The following TAS1R1 variants were observed in gnomAD, a reference collection of about 807,000 sequenced individuals.
The protein encoded by TAS1R1 is taste 1 receptor member 1.
A neutral mutation model predicts 45.8 loss-of-function variants in TAS1R1; 31 were observed. That is an observed-to-expected ratio of 0.68 (90% CI 0.51 to 0.91). TAS1R1 has a LOEUF of 0.91. Ranked by LOEUF, TAS1R1 falls within the 40% of genes least tolerant of loss-of-function variation. The pLI, the probability that TAS1R1 is intolerant of heterozygous loss-of-function variation, is 0.00. For missense variants in TAS1R1, 1,051 were observed against 1,063.9 expected, an observed-to-expected ratio of 0.99 and a Z score of 0.17; for synonymous variants, 437 against 448.4, an observed-to-expected ratio of 0.97 and a Z score of 0.32.
At chr1:6,573,547 C>T (rs1640075166) in intron 2 of TAS1R1, among the ~76,000 whole-genome samples, 1 of 152,204 alleles carries the variant, frequency 6.6e-6, no homozygotes, top group Admixed American at 6.5e-5. Context: ...TGGCCCCCAA[C>T]CTTTTCGGCA....
At chr1:6,558,178 A>G (rs1639719870) in intron 1 of TAS1R1, among the ~76,000 whole-genome samples, 1 of 151,884 alleles carries the variant, frequency 6.6e-6, no homozygotes, top group South Asian at 2.1e-4. Context: ...CTGGAACTAC[A>G]GGCATATGCC....
At position 6,555,384 on chromosome 1, in the gene TAS1R1, G is replaced by C; in HGVS notation, c.11G>C (p.Cys4Ser). Residue 4 changes from cysteine (C) to serine (S), a missense_variant, in exon 1 of 6, where the codon TGC becomes TCC. Physicochemically the swap from Cys to Ser is moderately radical, Grantham distance 112. Coordinates refer to ENST00000333172, the MANE Select transcript of TAS1R1 (RefSeq NM_138697.4). ...GGGCATCTGGCCAGCATGCTGCTCT[G>C]CACGGCTCGCCTGGTCGGCCTGCAG... is the stretch of plus-strand genomic sequence containing the variant. Reference protein sequence around the residue: MLLCTARLVGLQLL... With the variant: MLLSTARLVGLQLL... 1 of 1,599,868 alleles carries C rather than the reference G, an allele frequency of 6.3e-7. No individual in the cohort carries two copies. The highest frequency in any genetic ancestry group is 8.5e-7 in the Non-Finnish European group (1 of 1,174,908).
chr1:6,559,509 A>G (rs562529718), intron 1 of TAS1R1, among the ~76,000 whole-genome samples: 2 of 151,068 alleles, frequency 1.3e-5, no homozygotes, highest in African/African-American at 4.9e-5. Flanking sequence ...ATACAAAAAA[A>G]TTAGCTGGGC....
chr1:6,572,311 C>G (rs968319900), intron 2 of TAS1R1, among the ~76,000 whole-genome samples: 1 of 143,098 alleles, frequency 7.0e-6, no homozygotes, highest in Non-Finnish European at 1.5e-5. Flanking sequence ...CTCTGACACT[C>G]AGGCTGGAGT....
At chr1:6,569,507 C>A (rs1414048097) in intron 1 of TAS1R1, among the ~76,000 whole-genome samples, 1 of 152,182 alleles carries the variant, frequency 6.6e-6, no homozygotes, top group Non-Finnish European at 1.5e-5. Context: ...AGAAAAGCAG[C>A]TTCTTAGGAC....
At chr1:6,567,707 G>A (rs1639900738) in intron 1 of TAS1R1, among the ~76,000 whole-genome samples, 1 of 152,190 alleles carries the variant, frequency 6.6e-6, no homozygotes, top group South Asian at 2.1e-4. Context: ...AGCTGCGGGA[G>A]TGTAAGCAAT....
intron 1 of TAS1R1, among the ~76,000 whole-genome samples, chr1:6,556,612 G>A (rs1466753866): frequency 1.3e-5 from 2 of 151,616 alleles, no homozygotes; most frequent in Non-Finnish European, 2.9e-5. Context: ...ATGTTGGTCA[G>A]GCTGGTCTCG....
chr1:6,577,037 C>T lies in TAS1R1; in HGVS notation c.1561C>T (p.Pro521Ser). 1 of 1,614,172 alleles carries T rather than the reference C, an allele frequency of 6.2e-7. No individual in the cohort carries two copies. Among genetic ancestry groups the T allele is most frequent in the Non-Finnish European group, 8.5e-7 (1 of 1,180,012 alleles). ...GFHHCCFECV[P>S]CGAGTFLNKS... is the part of the protein sequence containing the mutation. The stretch of plus-strand genomic sequence containing the variant: ...CCATCACTGCTGCTTTGAGTGTGTG[C>T]CCTGTGGGGCTGGGACCTTCCTCAA... Residue 521 changes from proline to serine, a missense_variant, in exon 5 of 6, where the codon CCC becomes TCC. Coordinates refer to ENST00000333172, the MANE Select transcript of TAS1R1 (RefSeq NM_138697.4).
intron 1 of TAS1R1, among the ~76,000 whole-genome samples, chr1:6,562,828 G>A (rs1312929354): frequency 6.6e-6 from 1 of 152,216 alleles, no homozygotes; most frequent in Non-Finnish European, 1.5e-5. Context: ...GCTGGGCAGA[G>A]AGAACTGGTT....
intron 1 of TAS1R1, among the ~76,000 whole-genome samples, chr1:6,569,164 G>A (rs1238569768): frequency 6.6e-6 from 1 of 151,948 alleles, no homozygotes; most frequent in Non-Finnish European, 1.5e-5. Flanking sequence ...GGGGGATTGG[G>A]GTGGTTTAAT....
chr1:6,576,397 G>A lies in TAS1R1; in HGVS notation c.1261-18G>A. 1 of 1,613,800 alleles carries A rather than the reference G, an allele frequency of 6.2e-7. No homozygotes were observed. Among genetic ancestry groups the A allele is most frequent in the South Asian group, 1.1e-5 (1 of 91,074 alleles). On this transcript the variant is annotated intron_variant, in intron 3 of 5. Transcript: ENST00000333172. Reference sequence around the variant, plus strand: ...TCTGTGCTGTCTGTGGTGGCTTCATGATACGCGTTTCTTTCAGCTTTTGGA... The same window carrying A: ...TCTGTGCTGTCTGTGGTGGCTTCATAATACGCGTTTCTTTCAGCTTTTGGA...
chr1:6,560,571 G>A (rs1639765065), intron 1 of TAS1R1, among the ~76,000 whole-genome samples: 1 of 152,168 alleles, frequency 6.6e-6, no homozygotes, highest in Non-Finnish European at 1.5e-5. Context: ...AAAAACAAGG[G>A]GTGGGGAAAA....
At chr1:6,558,930 C>T (rs187943855) in intron 1 of TAS1R1, among the ~76,000 whole-genome samples, 1,180 of 107,378 alleles carry the variant, frequency 0.011, 12 homozygotes, top group African/African-American at 0.036. Flanking sequence ...CTCGCTCTGT[C>T]GCCCAGGCTG....
intron 3 of TAS1R1, among the ~76,000 whole-genome samples, chr1:6,575,826 G>A (rs1640157086): frequency 6.6e-6 from 1 of 151,930 alleles, no homozygotes; most frequent in African/African-American, 2.4e-5. Flanking sequence ...CCAAGTAGGT[G>A]GGACTACGGG....
At chr1:6,566,640 G>A (rs1639876148) in intron 1 of TAS1R1, among the ~76,000 whole-genome samples, 1 of 152,168 alleles carries the variant, frequency 6.6e-6, no homozygotes, top group African/African-American at 2.4e-5. Flanking sequence ...CTGTTGCCCA[G>A]GCCAGACTGC....
intron 5 of TAS1R1, 110 bp downstream of exon 5, chr1:6,577,180 C>G: frequency 1.4e-6 from 2 of 1,477,360 alleles, no homozygotes; most frequent in Non-Finnish European, 1.8e-6. Flanking sequence ...AAGGCCCAGT[C>G]ACTGGGCTGC....
intron 3 of TAS1R1, 31 bp from the exon 4 acceptor site, chr1:6,576,384 G>A (rs1476514389): frequency 1.2e-6 from 2 of 1,611,362 alleles, no homozygotes; most frequent in Non-Finnish European, 1.7e-6. Context: ...TGTGCTGTCT[G>A]TGGTGGCTTC....
At chr1:6,573,228 G>A (rs1387165357) in intron 2 of TAS1R1, among the ~76,000 whole-genome samples, 1 of 152,206 alleles carries the variant, frequency 6.6e-6, no homozygotes, top group African/African-American at 2.4e-5. Flanking sequence ...GGAGGCTAAG[G>A]TGGGCAGCTC....
chr1:6,563,220 T>G (rs1639818237), intron 1 of TAS1R1, among the ~76,000 whole-genome samples: 1 of 152,118 alleles, frequency 6.6e-6, no homozygotes, highest in South Asian at 2.1e-4. Context: ...GACCTTAAAA[T>G]TTTGGTGGTC....
Sources: allele counts gnomAD v4.1 joint callset (sites outside exome capture counted in the v4.1 genomes callset), GRCh38; gene constraint gnomAD v4.1.1; transcripts MANE v1.5; gene names NCBI Gene and HGNC (gene_info 2026-07-23, HGNC 2026-07-21).